Variants in SOCS2 observed in about 807,000 individuals in gnomAD.
The protein encoded by SOCS2 is CIS-2.
In SOCS2, 10 loss-of-function variants were observed where a neutral mutation model predicts 18.6. The observed-to-expected ratio is 0.54, with a 90% CI of 0.33 to 0.91. SOCS2 has a LOEUF of 0.91. Among genes scored for constraint, SOCS2 ranks in the 40% least tolerant of loss-of-function variants. The pLI, the probability that SOCS2 is intolerant of heterozygous loss-of-function variation, is 0.02. For missense variants in SOCS2, 231 were observed against 247.2 expected (o/e 0.93, Z 0.44); for synonymous variants, 104 against 104.0 (o/e 1.00, Z 0.00).
the SOCS2 span, among the ~76,000 whole-genome samples, chr12:93,607,303 C>T: frequency 1.3e-5 from 2 of 152,152 alleles, no homozygotes; most frequent in Non-Finnish European, 2.9e-5. Flanking sequence ...TTTCTACATC[C>T]TCCAACCACT....
chr12:93,617,968 C>G, the SOCS2 span, among the ~76,000 whole-genome samples: 1 of 152,092 alleles, frequency 6.6e-6, no homozygotes, highest in Non-Finnish European at 1.5e-5. Context: ...AATTATAATC[C>G]CCAGTGTTGG....
upstream of SOCS2, chr12:93,571,846 C>T (rs764117898): frequency 9.4e-6 from 4 of 427,550 alleles, no homozygotes; most frequent in East Asian, 8.8e-5. Flanking sequence ...CCCCCACCCC[C>T]CCGCCCCATG....
exon 2 of SOCS2, chr12:93,583,087 T>A (rs1055350733): frequency 6.6e-6 from 1 of 151,068 alleles, no homozygotes; most frequent in Non-Finnish European, 1.5e-5. Context: ...TCTTTGAACA[T>A]TACCCTATGA....
At chr12:93,589,511 T>C in the SOCS2 span, among the ~76,000 whole-genome samples, 2 of 152,220 alleles carry the variant, frequency 1.3e-5, no homozygotes, top group African/African-American at 4.8e-5. Flanking sequence ...AAGCCAGAAA[T>C]TGAGAATATG....
chr12:93,589,916 T>C, the SOCS2 span, among the ~76,000 whole-genome samples: 2 of 152,160 alleles, frequency 1.3e-5, no homozygotes, highest in African/African-American at 4.8e-5. Flanking sequence ...GCACTTCCAT[T>C]AGTGGCAAAG....
downstream of SOCS2, among the ~76,000 whole-genome samples, chr12:93,577,010 A>C (rs3816997): frequency 0.21 from 31,471 of 152,102 alleles, 3,925 homozygotes; most frequent in African/African-American, 0.35. Flanking sequence ...TTAGTGTTGG[A>C]TGTTTGATTT....
At chr12:93,616,631 G>A in the SOCS2 span, among the ~76,000 whole-genome samples, 1 of 152,202 alleles carries the variant, frequency 6.6e-6, no homozygotes, top group Admixed American at 6.5e-5. Flanking sequence ...TCACATAACA[G>A]AGAGCAGAAT....
chr12:93,621,173 A>G, the SOCS2 span, among the ~76,000 whole-genome samples: 1 of 152,214 alleles, frequency 6.6e-6, no homozygotes, highest in African/African-American at 2.4e-5. Flanking sequence ...CTGATCACCT[A>G]TCTAGACATC....
At chr12:93,607,908 G>A in the SOCS2 span, among the ~76,000 whole-genome samples, 1 of 151,804 alleles carries the variant, frequency 6.6e-6, no homozygotes, top group Non-Finnish European at 1.5e-5. Flanking sequence ...TTACAGTTAC[G>A]GCTTCTAAAA....
At chr12:93,584,310 A>G (rs1229356935), downstream of SOCS2, among the ~76,000 whole-genome samples, 1 of 152,232 alleles carries the variant, frequency 6.6e-6, no homozygotes, top group African/African-American at 2.4e-5. Context: ...GGGTCAGATA[A>G]CAACCTATTT....
chr12:93,614,381 CTTTCTTT>C, the SOCS2 span, among the ~76,000 whole-genome samples: 1 of 134,154 alleles, frequency 7.5e-6, no homozygotes, highest in Non-Finnish European at 1.6e-5. Context: ...TTCTTTCTTT[CTTTCTTT>C]CTTTCTTTCT....
chr12:93,614,595 CT>C, the SOCS2 span, among the ~76,000 whole-genome samples: 1 of 106,380 alleles, frequency 9.4e-6, no homozygotes, highest in African/African-American at 4.2e-5. Context: ...TTCTTTCTTT[CT>C]TTCTTTCTTT....
the SOCS2 span, among the ~76,000 whole-genome samples, chr12:93,608,335 A>G: frequency 0.015 from 2,321 of 152,214 alleles, 72 homozygotes; most frequent in African/African-American, 0.053. Flanking sequence ...TCACTTGGCT[A>G]AAAATACAGA....
At chr12:93,572,617 TCC>T, upstream of SOCS2, 1 of 651,466 alleles carries the variant, frequency 1.5e-6, no homozygotes, top group Non-Finnish European at 2.8e-6. The surrounding 1 kb of genome is among the most constrained non-coding windows in gnomAD (Gnocchi z 5.0). Context: ...CACGTCTATT[TCC>T]CCACCCCCAC....
chr12:93,583,017 T>C (rs929388752), intron 1 of SOCS2: 7 of 147,152 alleles, frequency 4.8e-5, no homozygotes, highest in Non-Finnish European at 7.5e-5. Context: ...TTTTTTTTTT[T>C]CACAGCCAGC....
At chr12:93,607,612 G>A in the SOCS2 span, among the ~76,000 whole-genome samples, 1 of 152,208 alleles carries the variant, frequency 6.6e-6, no homozygotes, top group Non-Finnish European at 1.5e-5. Context: ...ACTCCTGACA[G>A]CAAAATTCAC....
the SOCS2 span, among the ~76,000 whole-genome samples, chr12:93,594,109 C>A: frequency 6.6e-6 from 1 of 152,086 alleles, no homozygotes; most frequent in Non-Finnish European, 1.5e-5. Context: ...TTTAGAAATT[C>A]AAAAATAAAT....
the SOCS2 span, among the ~76,000 whole-genome samples, chr12:93,604,140 T>G: frequency 2.0e-5 from 3 of 152,036 alleles, no homozygotes; most frequent in Non-Finnish European, 2.9e-5. Flanking sequence ...ATAAAAAAGC[T>G]TTGAAACATC....
chr12:93,608,795 C>T, the SOCS2 span, among the ~76,000 whole-genome samples: 1 of 152,118 alleles, frequency 6.6e-6, no homozygotes, highest in Non-Finnish European at 1.5e-5. Flanking sequence ...CCACTCGGTG[C>T]AACATCAGTT....
Sources: allele counts gnomAD v4.1 joint callset (sites outside exome capture counted in the v4.1 genomes callset), GRCh38; gene constraint gnomAD v4.1.1; non-coding constraint Gnocchi (gnomAD v3.1); transcripts MANE v1.5; gene names NCBI Gene and HGNC (gene_info 2026-07-23, HGNC 2026-07-21).